Variants in MTDH observed in about 807,000 individuals in gnomAD.
MTDH encodes protein LYRIC.
A neutral mutation model predicts 72.7 loss-of-function variants in MTDH; 34 were observed. The observed-to-expected ratio is 0.47, with a 90% CI of 0.36 to 0.62. The LOEUF is 0.62. MTDH is among the 20% of genes least tolerant of loss of function. The pLI is 0.00. For missense variants in MTDH, 677 were observed against 699.4 expected (o/e 0.97, Z 0.36); for synonymous variants, 266 against 268.9 (o/e 0.99, Z 0.10).
chr8:97,680,141 T>C (rs900220634), intron 2 of MTDH, among the ~76,000 whole-genome samples: 3 of 152,150 alleles, frequency 2.0e-5, no homozygotes, highest in African/African-American at 7.2e-5. Context: ...GGTGCAATCT[T>C]GGCTCACTGC....
chr8:97,677,539 CTAT>C (rs1351208188), intron 2 of MTDH, among the ~76,000 whole-genome samples: 1 of 151,314 alleles, frequency 6.6e-6, no homozygotes, highest in African/African-American at 2.4e-5. Flanking sequence ...GAAGTGGACA[CTAT>C]TATTTCTAGT....
At chr8:97,704,115 T>G (rs1276633937) in intron 7 of MTDH, among the ~76,000 whole-genome samples, 1 of 152,182 alleles carries the variant, frequency 6.6e-6, no homozygotes, top group Non-Finnish European at 1.5e-5. Flanking sequence ...CTGTTCCATG[T>G]TTTTCCTCCA....
At chr8:97,709,162 C>G (rs1449975516) in intron 8 of MTDH, among the ~76,000 whole-genome samples, 2 of 150,770 alleles carry the variant, frequency 1.3e-5, no homozygotes, top group African/African-American at 4.9e-5. Context: ...CCACTGCACT[C>G]CAGCCTGGAC....
chr8:97,712,677 C>T (rs976811015), intron 8 of MTDH, among the ~76,000 whole-genome samples: 6 of 152,208 alleles, frequency 3.9e-5, no homozygotes, highest in Non-Finnish European at 8.8e-5. Context: ...TCTGTATCCT[C>T]ACCTAAATTT....
At chr8:97,690,534 T>C (rs912779642) in intron 5 of MTDH, among the ~76,000 whole-genome samples, 3 of 152,202 alleles carry the variant, frequency 2.0e-5, no homozygotes, top group Non-Finnish European at 2.9e-5. Flanking sequence ...CAGATTTTAA[T>C]TGGTCTGGGC....
At chr8:97,712,118 A>G (rs531924244) in intron 8 of MTDH, among the ~76,000 whole-genome samples, 7 of 152,130 alleles carry the variant, frequency 4.6e-5, no homozygotes, top group South Asian at 2.1e-4. Context: ...GCTCACTGCA[A>G]CCTCCACCTC....
chr8:97,666,223 C>T (rs1279016782), intron 2 of MTDH, among the ~76,000 whole-genome samples: 1 of 152,042 alleles, frequency 6.6e-6, no homozygotes, highest in Non-Finnish European at 1.5e-5. Context: ...CTTTTGTCAC[C>T]ACCAAGTTGT....
chr8:97,663,812 C>T (rs1812271096), intron 2 of MTDH, among the ~76,000 whole-genome samples: 1 of 150,796 alleles, frequency 6.6e-6, no homozygotes, highest in African/African-American at 2.4e-5. Context: ...ATATTATTTC[C>T]TTATTTTCAC....
chr8:97,655,847 T>C (rs2130921970), intron 1 of MTDH, among the ~76,000 whole-genome samples: 1 of 152,368 alleles, frequency 6.6e-6, no homozygotes, highest in South Asian at 2.1e-4. Context: ...GCAGGTATGC[T>C]TTCACATGCT....
chr8:97,672,061 CAT>C lies in MTDH; in HGVS notation c.483+10889_483+10890del, dbSNP rs1485915213. On this transcript the variant is annotated intron_variant, in intron 2 of 11. Coordinates refer to ENST00000336273, the MANE Select transcript of MTDH (RefSeq NM_178812.4). Reference sequence around the variant, plus strand: ...TCTGCATGCCCAAAGAGTTTATACACATGTGTATTTTCCCTCCATAATGCATC... The same window carrying C: ...TCTGCATGCCCAAAGAGTTTATACACGTGTATTTTCCCTCCATAATGCATC... 8.5e-5 allele frequency among the ~76,000 whole-genome samples: 13 copies of C among 152,270 alleles called. No homozygotes were observed. In the East Asian group the frequency reaches 1.5e-3, roughly 18 times the overall value.
chr8:97,666,478 A>C (rs1812392377), intron 2 of MTDH, among the ~76,000 whole-genome samples: 1 of 152,216 alleles, frequency 6.6e-6, no homozygotes, highest in Non-Finnish European at 1.5e-5. Context: ...TCTCTAAGGC[A>C]GCAGTTTTTG....
chr8:97,691,703 T>TTG (rs139784203), intron 6 of MTDH, among the ~76,000 whole-genome samples: 27,220 of 149,638 alleles, frequency 0.18, 2,679 homozygotes, highest in African/African-American at 0.26. Flanking sequence ...GTGTGTGTGT[T>TTG]TGTGTGTGTG....
At chr8:97,672,965 A>G (rs1336141444) in intron 2 of MTDH, among the ~76,000 whole-genome samples, 1 of 152,172 alleles carries the variant, frequency 6.6e-6, no homozygotes, top group Admixed American at 6.5e-5. Context: ...GTATACAAAT[A>G]TAGTAGCTCA....
chr8:97,656,344 C>T (rs1443293509), intron 1 of MTDH, among the ~76,000 whole-genome samples: 1 of 139,520 alleles, frequency 7.2e-6, no homozygotes, highest in Non-Finnish European at 1.5e-5. Context: ...CTCGCTCTGT[C>T]CCCAGGCTGG....
chr8:97,698,405 A>T (rs762433641), intron 6 of MTDH, among the ~76,000 whole-genome samples: 7 of 152,202 alleles, frequency 4.6e-5, no homozygotes, highest in Non-Finnish European at 1.5e-5. Context: ...CAGTGAACTC[A>T]TATGCCCCCA....
chr8:97,683,146 C>T (rs1813209600), intron 2 of MTDH, among the ~76,000 whole-genome samples: 1 of 141,518 alleles, frequency 7.1e-6, no homozygotes, highest in Admixed American at 7.5e-5. Context: ...CTCACTGCAA[C>T]CTCTGCCTCC....
At chr8:97,657,594 C>T (rs756786216) in intron 1 of MTDH, among the ~76,000 whole-genome samples, 2 of 152,120 alleles carry the variant, frequency 1.3e-5, no homozygotes, top group South Asian at 4.2e-4. Flanking sequence ...GCCTTGACCT[C>T]CCAGGCTGAA....
intron 11 of MTDH, 152 bp from the exon 12 acceptor site, chr8:97,724,448 T>C (rs2468004): frequency 0.1 from 54,322 of 544,484 alleles, 3,897 homozygotes; most frequent in East Asian, 0.27. Context: ...ATAGAATAAC[T>C]TAAAATATAT....
In MTDH at chr8:97,712,344, GTTTTGTT is replaced by G. The variant is rs1814672947; in HGVS notation, c.1273-1306_1273-1300del. 2.0e-5 allele frequency among the ~76,000 whole-genome samples: 3 copies of G among 152,190 alleles called. No homozygotes were observed. The South Asian group carries it at 6.2e-4, about 32-fold the overall frequency. ...CAGCCACTGCTCCTGGCCTTGGTAT[GTTTTGTT>G]TTTTGTTTTTTTTCACTCCACATAA... On this transcript the variant is annotated intron_variant, in intron 8 of 11. Coordinates refer to ENST00000336273, the MANE Select transcript of MTDH (RefSeq NM_178812.4).
Sources: gnomAD v4.1 joint callset for allele counts (sites outside exome capture counted in the v4.1 genomes callset) on GRCh38, gnomAD v4.1.1 for gene constraint, MANE v1.5 for transcripts, NCBI Gene and HGNC (gene_info 2026-07-23, HGNC 2026-07-21) for gene names.